Variants in BNC2 observed in about 807,000 individuals in gnomAD.
BNC2 encodes the protein basonuclin zinc finger protein 2.
In BNC2, 20 loss-of-function variants were observed where a neutral mutation model predicts 76.3. That is an observed-to-expected ratio of 0.26 (90% CI 0.18 to 0.38). BNC2 has a LOEUF of 0.38. Among genes scored for constraint, BNC2 ranks in the 10% least tolerant of loss-of-function variants. BNC2 has a pLI of 1.00. For synonymous variants in BNC2, 582 were observed against 514.8 expected, an observed-to-expected ratio of 1.13 and a Z score of -1.77; for missense variants, 1,382 against 1,399.8, an observed-to-expected ratio of 0.99 and a Z score of 0.20.
rs1157761982 is a variant in BNC2 at position 16,542,300 on chromosome 9, C to A, written c.669+10230G>T. Among the ~76,000 whole-genome samples, 3 of 152,012 alleles carry A rather than the reference C, an allele frequency of 2.0e-5. No individual in the cohort carries two copies. The South Asian group carries it at 6.2e-4, about 32-fold the overall frequency. ...ATGTTTCACTCTCTTATTTGGGGGG[C>A]CTCATGTATTATGATCTACTATAGC... On this transcript the variant is annotated intron_variant, in intron 5 of 6. Transcript: ENST00000380672.
chr9:16,826,762 C>G (rs1241058279), intron 1 of BNC2, among the ~76,000 whole-genome samples: 1 of 152,024 alleles, frequency 6.6e-6, no homozygotes, highest in Non-Finnish European at 1.5e-5. Context: ...ATCAAGTCTC[C>G]AAATCCAGGG....
chr9:16,746,859 G>A (rs901615028), intron 1 of BNC2, among the ~76,000 whole-genome samples: 18 of 151,656 alleles, frequency 1.2e-4, no homozygotes, highest in African/African-American at 4.1e-4. Flanking sequence ...CTACTTGGGA[G>A]GCTGAGGCAG....
chr9:16,543,361 A>G (rs1287007612), intron 5 of BNC2, among the ~76,000 whole-genome samples: 1 of 152,180 alleles, frequency 6.6e-6, no homozygotes, highest in African/African-American at 2.4e-5. Flanking sequence ...TTTCCACTTT[A>G]AATTCAACAA....
chr9:16,856,059 C>T (rs1242819505), intron 1 of BNC2, among the ~76,000 whole-genome samples: 1 of 152,100 alleles, frequency 6.6e-6, no homozygotes, highest in South Asian at 2.1e-4. Context: ...TCCATGCCAT[C>T]CATAAATATA....
intron 6 of BNC2, chr9:16,434,734 G>C: frequency 4.7e-6 from 2 of 428,162 alleles, no homozygotes. Flanking sequence ...AACTGTTTCA[G>C]AGCTGCAACT....
At chr9:16,522,021 C>T (rs1817635882) in intron 5 of BNC2, among the ~76,000 whole-genome samples, 1 of 152,178 alleles carries the variant, frequency 6.6e-6, no homozygotes, top group African/African-American at 2.4e-5. Context: ...CAAAAAGTGA[C>T]TAGTAATGCC....
chr9:16,440,843 T>C (rs1314098862), intron 5 of BNC2, among the ~76,000 whole-genome samples: 1 of 152,228 alleles, frequency 6.6e-6, no homozygotes, highest in Non-Finnish European at 1.5e-5. Context: ...AAGTATGATT[T>C]AGAACTTTGC....
chr9:16,605,858 G>A (rs912539157), intron 3 of BNC2, among the ~76,000 whole-genome samples: 7 of 140,022 alleles, frequency 5.0e-5, no homozygotes, highest in Admixed American at 2.3e-4. Context: ...GCACAACCAC[G>A]GTTCACTGTA....
At chr9:16,464,060 C>T (rs1310579535) in intron 5 of BNC2, among the ~76,000 whole-genome samples, 1 of 135,008 alleles carries the variant, frequency 7.4e-6, no homozygotes, top group Non-Finnish European at 1.5e-5. Flanking sequence ...TGCTACCGAA[C>T]TCCAGCCTAG....
chr9:16,559,522 A>G (rs1818945838), intron 4 of BNC2, among the ~76,000 whole-genome samples: 3 of 152,252 alleles, frequency 2.0e-5, no homozygotes, highest in Admixed American at 1.3e-4. Context: ...TAGCAACTTC[A>G]TTCAAGAAAA....
chr9:16,556,832 T>C (rs1444234098), intron 4 of BNC2, among the ~76,000 whole-genome samples: 1 of 152,082 alleles, frequency 6.6e-6, no homozygotes, highest in Non-Finnish European at 1.5e-5. Flanking sequence ...TCAAAGATTA[T>C]GATCTGTCAA....
At chr9:16,843,518 G>A (rs991857868) in intron 1 of BNC2, among the ~76,000 whole-genome samples, 1 of 152,188 alleles carries the variant, frequency 6.6e-6, no homozygotes, top group Non-Finnish European at 1.5e-5. Flanking sequence ...ATTTTTAGTA[G>A]AGACAGGGTT....
At chr9:16,650,129 C>G (rs1821751806) in intron 3 of BNC2, among the ~76,000 whole-genome samples, 1 of 152,072 alleles carries the variant, frequency 6.6e-6, no homozygotes, top group Non-Finnish European at 1.5e-5. Flanking sequence ...AGGACTCTGC[C>G]CTGAATACGG....
intron 3 of BNC2, among the ~76,000 whole-genome samples, chr9:16,687,096 T>C (rs1292530275): frequency 6.6e-6 from 1 of 151,880 alleles, no homozygotes; most frequent in African/African-American, 2.4e-5. Context: ...AGGCTTAGAG[T>C]AGGTAAATAA....
At chr9:16,866,010 TAAG>T (rs752967326) in intron 1 of BNC2, among the ~76,000 whole-genome samples, 2 of 152,136 alleles carry the variant, frequency 1.3e-5, no homozygotes, top group South Asian at 2.1e-4. Context: ...CAAAAGATTT[TAAG>T]AAGGACAAAT....
intron 5 of BNC2, among the ~76,000 whole-genome samples, chr9:16,440,763 T>C (rs1821110250): frequency 6.6e-6 from 1 of 152,204 alleles, no homozygotes; most frequent in Admixed American, 6.5e-5. Context: ...TTCTAGCGCT[T>C]AGTTGCTGTC....
intron 1 of BNC2, among the ~76,000 whole-genome samples, chr9:16,793,862 TTTTTTG>T (rs1563946201): frequency 8.1e-6 from 1 of 122,834 alleles, no homozygotes; most frequent in Non-Finnish European, 1.7e-5. Context: ...TGGTTTTTGT[TTTTTTG>T]TTTTTTTTTT....
chr9:16,656,521 G>A (rs1821935356), intron 3 of BNC2, among the ~76,000 whole-genome samples: 1 of 151,992 alleles, frequency 6.6e-6, no homozygotes, highest in African/African-American at 2.4e-5. Flanking sequence ...AGGTATAACT[G>A]GTATACAAAA....
intron 3 of BNC2, among the ~76,000 whole-genome samples, chr9:16,713,608 T>C (rs1338632830): frequency 6.6e-6 from 1 of 152,136 alleles, no homozygotes; most frequent in Non-Finnish European, 1.5e-5. Context: ...TTGGTGCCAC[T>C]GTCATGCCTA....
Sources: allele counts gnomAD v4.1 joint callset (sites outside exome capture counted in the v4.1 genomes callset), GRCh38; gene constraint gnomAD v4.1.1; transcripts MANE v1.5; gene names NCBI Gene and HGNC (gene_info 2026-07-23, HGNC 2026-07-21).